ATP13A1: variants seen among roughly 807,000 people sequenced by gnomAD.
ATP13A1 encodes the protein endoplasmic reticulum transmembrane helix translocase.
Under a neutral mutation model 134.8 loss-of-function variants are expected in ATP13A1, and 55 were observed. That is an observed-to-expected ratio of 0.41 (90% CI 0.33 to 0.51). The LOEUF is 0.51. Ranked by LOEUF, ATP13A1 falls within the 20% of genes least tolerant of loss-of-function variation. The pLI is 0.29. For synonymous variants in ATP13A1, 775 were observed against 725.1 expected, an observed-to-expected ratio of 1.07 and a Z score of -1.10; for missense variants, 1,389 against 1,652.8, an observed-to-expected ratio of 0.84 and a Z score of 2.77.
intron 4 of ATP13A1, 76 bp from the exon 5 acceptor site, chr19:19,657,225 T>C (rs2145013497): frequency 1.3e-6 from 2 of 1,485,692 alleles, no homozygotes; most frequent in Non-Finnish European, 1.8e-6. Context: ...CCGGATCTGA[T>C]ATGTGAGGGT....
chr19:19,649,449 C>T (rs975163764), intron 19 of ATP13A1, 118 bp downstream of exon 19: 1 of 1,083,536 alleles, frequency 9.2e-7, no homozygotes, highest in Non-Finnish European at 1.4e-6. Flanking sequence ...CCCCTCCCAT[C>T]CTCACAGGAA....
At position 19,655,895 on chromosome 19, in the gene ATP13A1, C is replaced by T. The variant is rs1240706925; in HGVS notation, c.1252G>A (p.Gly418Arg). ...CCCCGCACCTGGGATGTGTTGAATC[C>T]GGTCCGCAGGACGTAGGCCACGCAC... ...SGCVAYVLRT[G>R]FNTSQGKLLR... The change falls in exon 9 of 26, where the codon GGA becomes AGA. Residue 418 changes from glycine to arginine, a missense_variant. This residue lies in a region of ATP13A1 where 747 missense variants were observed against 956.1 expected (regional missense o/e 0.78). Coordinates refer to ENST00000357324, the MANE Select transcript of ATP13A1 (RefSeq NM_020410.3). This position sits in a 1 kb window ranked among gnomAD's most constrained non-coding sequence, Gnocchi z 5.7. The T allele has an allele frequency of 1.3e-6, 2 of 1,592,252 alleles. No homozygotes were observed. The highest frequency in any genetic ancestry group is 8.5e-7 in the Non-Finnish European group (1 of 1,174,438).
At chr19:19,648,734 G>A (rs1241095922) in intron 19 of ATP13A1, among the ~76,000 whole-genome samples, 6 of 145,838 alleles carry the variant, frequency 4.1e-5, no homozygotes, top group South Asian at 2.2e-4. Flanking sequence ...GCTTGAACCC[G>A]GGAAGTAGAG....
rs531104722 is a variant in ATP13A1 at position 19,648,187 on chromosome 19, C to G, written c.2633-428G>C. 1.7e-4 allele frequency among the ~76,000 whole-genome samples: 26 copies of G among 152,002 alleles called. 1 individual carries two copies. The highest frequency in any genetic ancestry group is 7.2e-4 in the Admixed American group (11 of 15,254). On this transcript the variant is annotated intron_variant, in intron 19 of 25. Transcript: ENST00000357324. ...TACAAAAATTAGCCAGGGGTGGTGG[C>G]ATGTGCCTGTAATTCCAGCTACTCG...
rs755803979 is a variant in ATP13A1 at position 19,653,923 on chromosome 19, G to A, written c.1990-29C>T. On this transcript the variant is annotated intron_variant, in intron 14 of 25. Transcript: ENST00000357324. The surrounding 1 kb of genome is among the most constrained non-coding windows in gnomAD (Gnocchi z 4.2). The stretch of plus-strand genomic sequence containing the variant: ...CAGGGAATGCAGGGGGATGTCACGG[G>A]CTGCCCCGCGCCCCCACCCCTTGCC... 27 of 1,567,996 alleles carry A rather than the reference G, an allele frequency of 1.7e-5. No homozygotes were observed. The highest frequency in any genetic ancestry group is 2.3e-5 in the South Asian group (2 of 85,312).
intron 15 of ATP13A1, chr19:19,652,993 G>T: frequency 2.2e-6 from 1 of 447,054 alleles, no homozygotes. Context: ...GTCCCTTGTG[G>T]CTCAGCTTCC....
Position 19,647,770 on chromosome 19 carries a change from G to A in ATP13A1, c.2633-11C>T, listed in dbSNP as rs768118180. ...CCAAGAGCGCCACACCTGGGGGGCA[G>A]GAGGGTGTCAGACCCGGAGGAGCAG... On this transcript the variant is annotated splice_polypyrimidine_tract_variant and intron_variant, in intron 19 of 25. Transcript: ENST00000357324. This position sits in a 1 kb window ranked among gnomAD's most constrained non-coding sequence, Gnocchi z 4.8. The A allele has an allele frequency of 4.4e-6, 7 of 1,585,892 alleles. No individual in the cohort carries two copies. Among genetic ancestry groups the A allele is most frequent in the African/African-American group, 1.3e-5 (1 of 74,756 alleles).
intron 19 of ATP13A1, among the ~76,000 whole-genome samples, chr19:19,648,498 C>CA (rs35645918): frequency 0.085 from 8,513 of 99,818 alleles, 867 homozygotes; most frequent in African/African-American, 0.27. Context: ...TGAGTTCTTG[C>CA]AAAAAAAAAA....
intron 17 of ATP13A1, 75 bp downstream of exon 17, chr19:19,651,614 G>A (rs930596322): frequency 6.8e-6 from 8 of 1,180,930 alleles, no homozygotes; most frequent in Admixed American, 6.7e-5. Flanking sequence ...TGGTACACAG[G>A]TGGGCTGTTG....
At chr19:19,649,284 A>G (rs957021472) in intron 19 of ATP13A1, among the ~76,000 whole-genome samples, 9 of 152,118 alleles carry the variant, frequency 5.9e-5, no homozygotes, top group Non-Finnish European at 1.2e-4. Flanking sequence ...TTTGACAGAG[A>G]TCTGGGGCTA....
chr19:19,647,586 T>C lies in ATP13A1; in HGVS notation c.2793+13A>G. ...CCAGGATGGGGTGCAGCACCTCCCC[T>C]CTTGGGACTCACCCTCTGGGAGGTT... On this transcript the variant is annotated intron_variant, in intron 20 of 25. Coordinates refer to ENST00000357324, the MANE Select transcript of ATP13A1 (RefSeq NM_020410.3). This position sits in a 1 kb window ranked among gnomAD's most constrained non-coding sequence, Gnocchi z 4.8. 1 of 1,613,316 alleles carries C rather than the reference T, an allele frequency of 6.2e-7. No homozygotes were observed. Among genetic ancestry groups the C allele is most frequent in the Non-Finnish European group, 8.5e-7 (1 of 1,179,658 alleles).
chr19:19,645,335 G>T lies in ATP13A1; in HGVS notation c.*87C>A. The T allele has an allele frequency of 2.1e-6, 3 of 1,403,064 alleles. No individual in the cohort carries two copies. Among genetic ancestry groups the T allele is most frequent in the Non-Finnish European group, 2.9e-6 (3 of 1,020,310 alleles). 86.9% of individuals were successfully genotyped at this position (1,403,064 alleles called of 1,614,324 possible). A position where few individuals can be genotyped will look rare whatever the true frequency, so the allele number is the denominator to read the frequency against. On this transcript the variant is annotated 3_prime_UTR_variant, in exon 26 of 26. Coordinates refer to ENST00000357324, the MANE Select transcript of ATP13A1 (RefSeq NM_020410.3). This position sits in a 1 kb window ranked among gnomAD's most constrained non-coding sequence, Gnocchi z 4.1. ...AGACTGTACAGCCTTGCTGTGGGGG[G>T]TTGGGGGCAGGGTTCCCTCCCGGGG...
Position 19,646,228 on chromosome 19 carries a change from C to T in ATP13A1, c.3225G>A (p.Glu1075=), listed in dbSNP as rs1310051193. The change falls in exon 23 of 26, where the codon GAG becomes GAA. Residue 1075 remains glutamate (E), a synonymous_variant. Coordinates refer to ENST00000357324, the MANE Select transcript of ATP13A1 (RefSeq NM_020410.3). ...HFLSLVYLYR[E]AQARSPEKQE... ...ACTTCTCGGGGCTCCGGGCCTGGGC[C>T]TCACGGTACAGGTAGACAAGGCTCA... 3 of 1,613,818 alleles carry T rather than the reference C, an allele frequency of 1.9e-6. No individual in the cohort carries two copies. The highest frequency in any genetic ancestry group is 2.2e-5 in the East Asian group (1 of 44,882).
At position 19,655,684 on chromosome 19, in the gene ATP13A1, T is replaced by C. The variant is rs2062052828; in HGVS notation, c.1270-30A>G. 1.9e-6 allele frequency: 3 copies of C among 1,604,178 alleles called. No individual in the cohort carries two copies. Among genetic ancestry groups the C allele is most frequent in the South Asian group, 1.1e-5 (1 of 89,476 alleles). On this transcript the variant is annotated intron_variant, in intron 9 of 25. Transcript: ENST00000357324. The surrounding 1 kb of genome is among the most constrained non-coding windows in gnomAD (Gnocchi z 5.7). ...AGGAATGGAGGAACAGCCTTTCTGC[T>C]GTCTGGACTCCCTCCAGCAGCTCAG...
Position 19,663,625 on chromosome 19 carries a change from C to A in ATP13A1, c.42G>T (p.Gly14=), listed in dbSNP as rs750531472. The A allele has an allele frequency of 2.2e-6, 3 of 1,350,746 alleles. No homozygotes were observed. Among genetic ancestry groups the A allele is most frequent in the Non-Finnish European group, 2.8e-6 (3 of 1,056,854 alleles). 83.7% of individuals were successfully genotyped at this position (1,350,746 alleles called of 1,614,324 possible). ...AAAVGNAVPC[G]ARPCGVRPDG... ...CAGGCCGGACCCCGCAAGGCCGGGCCCCGCAGGGCACCGCGTTGCCCACCG... is the reference window on the plus strand; with the variant it reads ...CAGGCCGGACCCCGCAAGGCCGGGCACCGCAGGGCACCGCGTTGCCCACCG... The change falls in exon 1 of 26, where the codon GGG becomes GGT. Residue 14 remains glycine, a synonymous_variant. Transcript: ENST00000357324.
Position 19,651,703 on chromosome 19 carries a change from G to A in ATP13A1, c.2321C>T (p.Pro774Leu), listed in dbSNP as rs747868317. 3.7e-6 allele frequency: 6 copies of A among 1,612,336 alleles called. No individual in the cohort carries two copies. The highest frequency in any genetic ancestry group is 4.2e-6 in the Non-Finnish European group (5 of 1,179,218). ...TAGGGCCTCACCTTTCTCGGAGGGA[G>A]GCTGCAGGATCAGCGTGTGGGCCTT... ...IEKAHTLILQ[P>L]PSEKGRQCEW... Residue 774 changes from proline to leucine, a missense_variant, in exon 17 of 26, where the codon CCT (proline) becomes CTT (leucine). By Grantham distance (98) the Pro-to-Leu change is moderately conservative. Coordinates refer to ENST00000357324, the MANE Select transcript of ATP13A1 (RefSeq NM_020410.3).
intron 1 of ATP13A1, 77 bp from the exon 2 acceptor site, chr19:19,660,064 G>GTAGGTTGAGAAGAGCTAAGCCACAA: frequency 8.0e-7 from 1 of 1,248,956 alleles, no homozygotes; most frequent in Non-Finnish European, 1.1e-6. Flanking sequence ...GAGGTTTTGG[G>GTAGGTTGAGAAGAGCTAAGCCACAA]TGCAGCAGCT....
chr19:19,653,649 G>A lies in ATP13A1; in HGVS notation c.2100+135C>T. 1 of 829,550 alleles carries A rather than the reference G, an allele frequency of 1.2e-6. No homozygotes were observed. The highest frequency in any genetic ancestry group is 1.7e-5 in the African/African-American group (1 of 58,620). 51.4% of individuals were successfully genotyped at this position (829,550 alleles called of 1,614,324 possible). On this transcript the variant is annotated intron_variant, in intron 15 of 25. Coordinates refer to ENST00000357324, the MANE Select transcript of ATP13A1 (RefSeq NM_020410.3). This position sits in a 1 kb window ranked among gnomAD's most constrained non-coding sequence, Gnocchi z 4.2. ...CTGAGTGCCATTTGGAGTCTCCAAA[G>A]GTAGAAGCTGGAGGCGGGGCAAGGA...
Position 19,655,054 on chromosome 19 carries a change from C to G in ATP13A1, c.1655+65G>C, listed in dbSNP as rs1444225302. On this transcript the variant is annotated intron_variant, in intron 12 of 25. Transcript: ENST00000357324. The surrounding 1 kb of genome is among the most constrained non-coding windows in gnomAD (Gnocchi z 5.7). ...GCAAGGGCTTGGGGTGGATGGGCCA[C>G]CTGTCTCTCGACTTCCCAGAAACCC... 9.4e-6 allele frequency: 15 copies of G among 1,595,068 alleles called. No homozygotes were observed. Among genetic ancestry groups the G allele is most frequent in the Non-Finnish European group, 1.2e-5 (14 of 1,172,978 alleles).
Sources: allele counts gnomAD v4.1 joint callset (sites outside exome capture counted in the v4.1 genomes callset), GRCh38; gene constraint gnomAD v4.1.1; regional missense constraint gnomAD v4.1.1; non-coding constraint Gnocchi (gnomAD v3.1); transcripts MANE v1.5; gene names NCBI Gene and HGNC (gene_info 2026-07-23, HGNC 2026-07-21).